The following KIF18A variants were observed in gnomAD, a reference collection of about 807,000 sequenced individuals.
KIF18A encodes kinesin-like protein KIF18A.
Under a neutral mutation model 103.3 loss-of-function variants are expected in KIF18A, and 67 were observed. The ratio of observed to expected loss-of-function variants is 0.65; its 90% CI spans 0.53 to 0.79. KIF18A has a LOEUF of 0.79. KIF18A is among the 30% of genes least tolerant of loss of function. The pLI is 0.00. For synonymous variants in KIF18A, 367 were observed against 355.5 expected, an observed-to-expected ratio of 1.03 and a Z score of -0.36; for missense variants, 1,032 against 1,062.5, an observed-to-expected ratio of 0.97 and a Z score of 0.40.
chr11:28,048,759 G>C (rs1418566472), intron 13 of KIF18A, among the ~76,000 whole-genome samples: 1 of 152,116 alleles, frequency 6.6e-6, no homozygotes, highest in Non-Finnish European at 1.5e-5. Flanking sequence ...GCAAAGGAAA[G>C]ATGATCCATT....
At chr11:28,027,381 C>G (rs886285530) in intron 15 of KIF18A, among the ~76,000 whole-genome samples, 4 of 151,312 alleles carry the variant, frequency 2.6e-5, no homozygotes, top group South Asian at 2.1e-4. Context: ...TACTATATAC[C>G]TAGGTATGTT....
chr11:28,088,094 AT>A (rs1280731299), intron 6 of KIF18A, among the ~76,000 whole-genome samples: 1 of 152,056 alleles, frequency 6.6e-6, no homozygotes, highest in African/African-American at 2.4e-5. Flanking sequence ...TTAAAAAAAA[AT>A]CAACACTCTT....
intron 13 of KIF18A, among the ~76,000 whole-genome samples, chr11:28,044,643 G>C (rs974081378): frequency 2.0e-5 from 3 of 152,014 alleles, no homozygotes; most frequent in African/African-American, 7.2e-5. Context: ...GACTTAAAAA[G>C]GAAGTTAGAC....
At chr11:28,087,593 G>T (rs545926136) in intron 6 of KIF18A, among the ~76,000 whole-genome samples, 1 of 152,070 alleles carries the variant, frequency 6.6e-6, no homozygotes, top group Non-Finnish European at 1.5e-5. Flanking sequence ...TTCTTTGGGC[G>T]TATATACCCA....
At chr11:28,065,546 TTTTAA>T (rs1850908156) in intron 11 of KIF18A, among the ~76,000 whole-genome samples, 1 of 151,960 alleles carries the variant, frequency 6.6e-6, no homozygotes. Context: ...ATTGAAAAAG[TTTTAA>T]TTTATTAAAA....
At chr11:28,057,438 C>A (rs962616185) in intron 13 of KIF18A, among the ~76,000 whole-genome samples, 3 of 152,144 alleles carry the variant, frequency 2.0e-5, no homozygotes, top group Admixed American at 6.5e-5. Flanking sequence ...TGGTGTGAAC[C>A]CAGGAGACGG....
At chr11:28,066,809 T>TTATAA (rs1487591811) in intron 11 of KIF18A, among the ~76,000 whole-genome samples, 12 of 147,618 alleles carry the variant, frequency 8.1e-5, no homozygotes, top group Admixed American at 2.7e-4. Context: ...TTATATTATA[T>TTATAA]TATATTATAT....
intron 10 of KIF18A, among the ~76,000 whole-genome samples, chr11:28,073,732 G>C (rs1291790399): frequency 6.6e-6 from 1 of 152,110 alleles, no homozygotes; most frequent in Non-Finnish European, 1.5e-5. Context: ...CAAGCATATA[G>C]TGCCTTATCA....
intron 4 of KIF18A, 120 bp downstream of exon 4, chr11:28,091,289 A>T: frequency 1.7e-6 from 1 of 596,648 alleles, no homozygotes; most frequent in Non-Finnish European, 3.0e-6. Flanking sequence ...AATCATTTAA[A>T]TTCTGTACCT....
intron 5 of KIF18A, among the ~76,000 whole-genome samples, chr11:28,090,034 A>C (rs1001744130): frequency 5.3e-5 from 8 of 152,170 alleles, no homozygotes; most frequent in Admixed American, 4.6e-4. Context: ...AACTATAACA[A>C]TTTCTTTCTT....
In KIF18A at chr11:28,036,501, T is replaced by C. The variant is rs768497794; in HGVS notation, c.2112A>G (p.Val704=). 6 of 1,611,342 alleles carry C rather than the reference T, an allele frequency of 3.7e-6. 1 individual carries two copies. Among genetic ancestry groups the C allele is most frequent in the South Asian group, 1.1e-5 (1 of 91,008 alleles). ...CTTTTCTACAGTCTTCTGGTGTATA[T>C]ACAATAGGCTGAAGTTCTTTGCTAA... is the stretch of plus-strand genomic sequence containing the variant. ...DSLSKELQPI[V]YTPEDCRKAF... is the part of the protein sequence containing the mutation. The change falls in exon 14 of 17, where the codon GTA becomes GTG. Residue 704 remains valine, a synonymous_variant. Coordinates refer to ENST00000263181, the MANE Select transcript of KIF18A (RefSeq NM_031217.4).
chr11:28,090,581 T>A, intron 5 of KIF18A, 36 bp downstream of exon 5: 1 of 1,117,104 alleles, frequency 9.0e-7, no homozygotes, highest in Non-Finnish European at 1.3e-6. Flanking sequence ...TTATTTTAAA[T>A]CCAATTTTAA....
At chr11:28,060,682 T>A (rs1850846012) in intron 12 of KIF18A, among the ~76,000 whole-genome samples, 1 of 151,678 alleles carries the variant, frequency 6.6e-6, no homozygotes, top group African/African-American at 2.4e-5. Context: ...GTTCCCAGCA[T>A]TTCCAGAACT....
chr11:28,037,365 A>G (rs1850506843), intron 13 of KIF18A, among the ~76,000 whole-genome samples: 1 of 151,618 alleles, frequency 6.6e-6, no homozygotes. Context: ...TTCACAAAAC[A>G]AACAAACAAA....
At chr11:28,041,956 C>T (rs1443266853) in intron 13 of KIF18A, among the ~76,000 whole-genome samples, 2 of 151,464 alleles carry the variant, frequency 1.3e-5, no homozygotes, top group African/African-American at 4.8e-5. Context: ...TTTGACATCC[C>T]CTTCCCTCTA....
intron 15 of KIF18A, among the ~76,000 whole-genome samples, chr11:28,032,628 C>T (rs1180683017): frequency 6.6e-6 from 1 of 151,896 alleles, no homozygotes; most frequent in African/African-American, 2.4e-5. Flanking sequence ...AAAAGATAGT[C>T]TCTTCAATAA....
intron 13 of KIF18A, among the ~76,000 whole-genome samples, chr11:28,045,589 G>A (rs1271356299): frequency 1.3e-5 from 2 of 151,698 alleles, no homozygotes; most frequent in Admixed American, 6.6e-5. Flanking sequence ...CATACTTTAT[G>A]TATATATTAT....
At chr11:28,054,213 T>C (rs1276581016) in intron 13 of KIF18A, among the ~76,000 whole-genome samples, 2 of 142,666 alleles carry the variant, frequency 1.4e-5, no homozygotes, top group African/African-American at 5.1e-5. Flanking sequence ...TCTCATCAGA[T>C]TTTTTTTTTT....
Position 28,036,206 on chromosome 11 carries a change from T to A in KIF18A, c.2396+11A>T, listed in dbSNP as rs779630044. The A allele has an allele frequency of 5.3e-6, 8 of 1,513,946 alleles. No individual in the cohort carries two copies. The highest frequency in any genetic ancestry group is 7.1e-6 in the Non-Finnish European group (8 of 1,123,206). 93.8% of individuals were successfully genotyped at this position (1,513,946 alleles called of 1,614,324 possible). A position where few individuals can be genotyped will look rare whatever the true frequency, so the allele number is the denominator to read the frequency against. On this transcript the variant is annotated intron_variant, in intron 14 of 16. Transcript: ENST00000263181. Reference sequence around the variant, plus strand: ...AAAAAAAAAGAATTGGCAAATATTATTTTTTTGTACCGTTGTAAAATGTCT... The same window carrying A: ...AAAAAAAAAGAATTGGCAAATATTAATTTTTTGTACCGTTGTAAAATGTCT...
Sources: gnomAD v4.1 joint callset for allele counts (sites outside exome capture counted in the v4.1 genomes callset) on GRCh38, gnomAD v4.1.1 for gene constraint, MANE v1.5 for transcripts, NCBI Gene and HGNC (gene_info 2026-07-23, HGNC 2026-07-21) for gene names.